The following SFMBT2 variants were observed in gnomAD, a reference collection of about 807,000 sequenced individuals.
The protein encoded by SFMBT2 is Scm like with four mbt domains 2.
SFMBT2 carries 38 observed loss-of-function variants against 110.1 expected under a neutral mutation model. The observed-to-expected ratio is 0.35, with a 90% confidence interval of 0.27 to 0.45. The LOEUF (loss-of-function observed/expected upper bound fraction) is 0.45, where lower values mean the gene tolerates loss of function less well. Ranked by LOEUF, SFMBT2 falls within the 20% of genes least tolerant of loss-of-function variation. The pLI, the probability that SFMBT2 is intolerant of heterozygous loss-of-function variation, is 1.00. For missense variants in SFMBT2, 1,011 were observed against 1,094.9 expected, an observed-to-expected ratio of 0.92 and a Z score of 1.08; for synonymous variants, 425 against 425.4, an observed-to-expected ratio of 1.00 and a Z score of 0.01.
chr10:7,366,882 T>C (rs912429430), intron 4 of SFMBT2, among the ~76,000 whole-genome samples: 1 of 152,158 alleles, frequency 6.6e-6, no homozygotes, highest in African/African-American at 2.4e-5. Context: ...CACTAAATGG[T>C]AGTAGCAACT....
intron 4 of SFMBT2, among the ~76,000 whole-genome samples, chr10:7,317,267 A>G (rs943287401): frequency 3.9e-5 from 6 of 152,000 alleles, no homozygotes; most frequent in Non-Finnish European, 8.8e-5. Flanking sequence ...TCGAAAATAG[A>G]GGCAGCTTAA....
intron 13 of SFMBT2, chr10:7,200,919 C>T (rs1049508154): frequency 1.0e-5 from 8 of 785,306 alleles, no homozygotes; most frequent in African/African-American, 5.6e-5. Flanking sequence ...TCCGGGCCCG[C>T]GGGAGTCATG....
At chr10:7,282,546 T>C (rs543974044) in intron 6 of SFMBT2, among the ~76,000 whole-genome samples, 1 of 152,352 alleles carries the variant, frequency 6.6e-6, no homozygotes, top group African/African-American at 2.4e-5. Context: ...GGCTCTTTGT[T>C]TGTCATCAGA....
chr10:7,219,265 G>A (rs10905118), intron 11 of SFMBT2, among the ~76,000 whole-genome samples: 2 of 151,994 alleles, frequency 1.3e-5, no homozygotes, highest in African/African-American at 2.4e-5. Flanking sequence ...CTACACTTTC[G>A]TGAATTCCAG....
intron 16 of SFMBT2, among the ~76,000 whole-genome samples, chr10:7,184,271 A>G (rs771762929): frequency 6.6e-6 from 1 of 152,198 alleles, no homozygotes; most frequent in African/African-American, 2.4e-5. Context: ...GGAGGGACCC[A>G]GTGGGAGGTA....
chr10:7,349,916 C>T (rs929078110), intron 4 of SFMBT2, among the ~76,000 whole-genome samples: 5 of 152,108 alleles, frequency 3.3e-5, no homozygotes, highest in African/African-American at 1.2e-4. Context: ...CTTCCAGTGT[C>T]TAGGATGTCC....
rs1258297834 is a variant in SFMBT2 at position 7,159,824 on chromosome 10, C to T, written c.*3946G>A. The T allele has an allele frequency of 2.0e-5, 3 of 151,978 alleles. No homozygotes were observed. The highest frequency in any genetic ancestry group is 2.1e-4 in the South Asian group (1 of 4,810). 9.4% of individuals were successfully genotyped at this position (151,978 alleles called of 1,614,324 possible). Reference sequence around the variant, plus strand: ...TGTTCTATAAAATAAGTATGAAAACCCCTAGTACTTCTAAAACTAAGCGGG... The same window carrying T: ...TGTTCTATAAAATAAGTATGAAAACTCCTAGTACTTCTAAAACTAAGCGGG... On this transcript the variant is annotated 3_prime_UTR_variant, in exon 21 of 21. Transcript: ENST00000397167.
chr10:7,316,893 C>A (rs1843030665), intron 4 of SFMBT2, among the ~76,000 whole-genome samples: 1 of 152,166 alleles, frequency 6.6e-6, no homozygotes, highest in South Asian at 2.1e-4. Context: ...AACACACACA[C>A]ACACACATGC....
intron 2 of SFMBT2, among the ~76,000 whole-genome samples, chr10:7,373,436 T>A (rs1044522663): frequency 2.6e-5 from 4 of 152,114 alleles, no homozygotes; most frequent in African/African-American, 9.7e-5. Flanking sequence ...GAAACAGTGG[T>A]TTACAGGTAT....
chr10:7,169,121 C>A (rs1837791064), intron 20 of SFMBT2, among the ~76,000 whole-genome samples: 1 of 152,120 alleles, frequency 6.6e-6, no homozygotes, highest in Non-Finnish European at 1.5e-5. Flanking sequence ...CACCACCACG[C>A]CCAGCTAATT....
At chr10:7,173,349 G>C (rs558169209) in intron 17 of SFMBT2, among the ~76,000 whole-genome samples, 1 of 152,324 alleles carries the variant, frequency 6.6e-6, no homozygotes, top group African/African-American at 2.4e-5. Context: ...CGACTGGTCA[G>C]TCAGCAAGCA....
chr10:7,365,084 G>T (rs1287089977), intron 4 of SFMBT2, among the ~76,000 whole-genome samples: 1 of 152,188 alleles, frequency 6.6e-6, no homozygotes, highest in Non-Finnish European at 1.5e-5. Context: ...GGGGCTGAGT[G>T]AATCAGATGT....
At chr10:7,370,439 C>A (rs1845030923) in intron 2 of SFMBT2, 64 bp from the exon 3 acceptor site, 3 of 1,298,710 alleles carry the variant, frequency 2.3e-6, no homozygotes, top group Admixed American at 3.4e-5. Flanking sequence ...TGCTGGCCTG[C>A]AACTGAGACC....
At chr10:7,235,309 T>C (rs1840220500) in intron 9 of SFMBT2, among the ~76,000 whole-genome samples, 1 of 152,100 alleles carries the variant, frequency 6.6e-6, no homozygotes, top group Non-Finnish European at 1.5e-5. Flanking sequence ...CCAGGGCACA[T>C]GGAACTGCCA....
intron 1 of SFMBT2, among the ~76,000 whole-genome samples, chr10:7,397,832 G>A (rs1164238343): frequency 2.6e-5 from 4 of 152,272 alleles, no homozygotes; most frequent in Admixed American, 6.5e-5. Flanking sequence ...CCCGTCAGCC[G>A]GGTCACTCTG....
intron 8 of SFMBT2, chr10:7,246,322 A>T (rs1564402990): frequency 4.6e-6 from 1 of 215,220 alleles, no homozygotes; most frequent in Non-Finnish European, 8.0e-6. Context: ...AAGTCTATTC[A>T]GCTAGAAAAA....
chr10:7,356,163 C>T (rs143885317), intron 4 of SFMBT2, among the ~76,000 whole-genome samples: 164 of 152,260 alleles, frequency 1.1e-3, no homozygotes, highest in African/African-American at 3.8e-3. Context: ...GAGGCATCTC[C>T]GTACTCTTGA....
At chr10:7,272,200 A>C (rs542374209) in intron 7 of SFMBT2, among the ~76,000 whole-genome samples, 2 of 152,312 alleles carry the variant, frequency 1.3e-5, no homozygotes, top group Admixed American at 1.3e-4. Flanking sequence ...GCCAGGTTAA[A>C]ACAGCAGGCT....
At chr10:7,379,647 A>G (rs1036694016) in intron 2 of SFMBT2, among the ~76,000 whole-genome samples, 1 of 150,762 alleles carries the variant, frequency 6.6e-6, no homozygotes, top group African/African-American at 2.4e-5. Context: ...GGGGGTGGAG[A>G]AAAATCTGAG....
Sources: allele counts gnomAD v4.1 joint callset (sites outside exome capture counted in the v4.1 genomes callset), GRCh38; gene constraint gnomAD v4.1.1; transcripts MANE v1.5; gene names NCBI Gene and HGNC (gene_info 2026-07-23, HGNC 2026-07-21).